The following RNASEH1 variants were observed in gnomAD, a reference collection of about 807,000 sequenced individuals.
RNASEH1 encodes the protein ribonuclease H type II.
In RNASEH1, 27 loss-of-function variants were observed where a neutral mutation model predicts 34.6. The observed-to-expected ratio is 0.78, with a 90% CI of 0.58 to 1.08. The LOEUF (loss-of-function observed/expected upper bound fraction) is 1.08, where lower values mean the gene tolerates loss of function less well. Ranked by LOEUF, RNASEH1 falls within the 50% of genes least tolerant of loss-of-function variation. RNASEH1 has a pLI of 0.00. For missense variants in RNASEH1, 349 were observed against 373.6 expected (o/e 0.93, Z 0.54); for synonymous variants, 162 against 138.4 (o/e 1.17, Z -1.20).
At chr2:3,548,571 AC>A in intron 6 of RNASEH1, 68 bp downstream of exon 6, 1 of 1,080,586 alleles carries the variant, frequency 9.3e-7, no homozygotes. Context: ...CTGCCCTGTT[AC>A]AACACCTCCT....
intron 3 of RNASEH1, among the ~76,000 whole-genome samples, chr2:3,551,129 T>TA (rs1359056923): frequency 6.6e-6 from 1 of 152,006 alleles, no homozygotes. Flanking sequence ...AGAGGGCAAA[T>TA]AGAGGTGGTA....
chr2:3,549,245 C>CA, intron 4 of RNASEH1, 133 bp from the exon 5 acceptor site: 1 of 779,438 alleles, frequency 1.3e-6, no homozygotes, highest in Non-Finnish European at 2.2e-6. Context: ...ATCAAACTAA[C>CA]AGACTCCCAG....
chr2:3,552,177 G>A lies in RNASEH1; in HGVS notation c.376C>T (p.Pro126Ser), dbSNP rs749212251. 3 of 1,611,500 alleles carry A rather than the reference G, an allele frequency of 1.9e-6. No homozygotes were observed. The highest frequency in any genetic ancestry group is 2.2e-4 in the Middle Eastern group (1 of 4,648). Residue 126 changes from proline to serine, a missense_variant, in exon 3 of 8, where the codon CCT (proline) becomes TCT (serine). Physicochemically the swap from Pro to Ser is moderately conservative, Grantham distance 74 (BLOSUM62 -1). This residue lies in a region of RNASEH1 where 256 missense variants were observed against 240.7 expected (regional missense o/e 1.06). Transcript: ENST00000315212. Reference sequence around the variant, plus strand: ...GAAAACGTGTCTCTGCTAACTGGAGGCGCCGGCTCCACGCTCGGCTTCATG... The same window carrying A: ...GAAAACGTGTCTCTGCTAACTGGAGACGCCGGCTCCACGCTCGGCTTCATG... ...KHMKPSVEPA[P>S]PVSRDTFSYM...
chr2:3,545,944 T>TA, intron 7 of RNASEH1, 73 bp from the exon 8 acceptor site: 3 of 1,101,060 alleles, frequency 2.7e-6, no homozygotes, highest in Non-Finnish European at 4.2e-6. Flanking sequence ...ATTGTCATCA[T>TA]AAAAAACCAT....
At chr2:3,532,081 G>C in the RNASEH1 span, 1 of 599,618 alleles carries the variant, frequency 1.7e-6, no homozygotes, top group African/African-American at 1.9e-5. Context: ...GAGATAAGGA[G>C]AGGGTTTTTA....
chr2:3,533,304 T>G, the RNASEH1 span: 3 of 152,410 alleles, frequency 2.0e-5, no homozygotes, highest in Non-Finnish European at 2.9e-5. Flanking sequence ...AGCAGCCCAC[T>G]GATGTGCTGG....
chr2:3,553,148 T>A (rs535187021), intron 2 of RNASEH1, among the ~76,000 whole-genome samples: 21 of 151,698 alleles, frequency 1.4e-4, no homozygotes, highest in African/African-American at 5.1e-4. Context: ...CTCAGGAGGC[T>A]GAGGCAGGAG....
chr2:3,537,185 G>A (rs912946815), downstream of RNASEH1, among the ~76,000 whole-genome samples: 1 of 152,132 alleles, frequency 6.6e-6, no homozygotes, highest in African/African-American at 2.4e-5. Flanking sequence ...CATATTATAC[G>A]AATCTCAGAT....
chr2:3,557,782 C>G, intron 1 of RNASEH1: 2 of 967,176 alleles, frequency 2.1e-6, no homozygotes, highest in South Asian at 2.7e-5. Flanking sequence ...TTAGCTGGTA[C>G]GGAAAGTCTT....
intron 2 of RNASEH1, among the ~76,000 whole-genome samples, chr2:3,553,968 A>G (rs1174606155): frequency 6.6e-6 from 1 of 152,168 alleles, no homozygotes; most frequent in Non-Finnish European, 1.5e-5. Context: ...CTACCTGCAA[A>G]CTAACAACCC....
At chr2:3,549,598 C>T (rs952376627) in intron 4 of RNASEH1, among the ~76,000 whole-genome samples, 8 of 152,076 alleles carry the variant, frequency 5.3e-5, no homozygotes, top group Non-Finnish European at 1.2e-4. Flanking sequence ...CCTGTGATCT[C>T]GGCACTTTGG....
chr2:3,539,083 T>C (rs775066046), downstream of RNASEH1, among the ~76,000 whole-genome samples: 23 of 152,184 alleles, frequency 1.5e-4, no homozygotes, highest in Non-Finnish European at 3.1e-4. Flanking sequence ...TTAGGGAAAT[T>C]AGTCCTTTGT....
At chr2:3,545,917 A>T (rs1462335804) in intron 7 of RNASEH1, 46 bp from the exon 8 acceptor site, 1 of 1,320,960 alleles carries the variant, frequency 7.6e-7, no homozygotes, top group South Asian at 1.2e-5. Context: ...ATCTTTACAT[A>T]AGCAACACAT....
chr2:3,558,294 C>G lies in RNASEH1; in HGVS notation c.-34G>C, dbSNP rs376458512. 9 of 1,508,906 alleles carry G rather than the reference C, an allele frequency of 6.0e-6. No homozygotes were observed. In the African/African-American group the frequency reaches 8.6e-5, roughly 14 times the overall value. 93.5% of individuals were successfully genotyped at this position (1,508,906 alleles called of 1,614,324 possible). On this transcript the variant is annotated 5_prime_UTR_variant, in exon 1 of 8. Coordinates refer to ENST00000315212, the MANE Select transcript of RNASEH1 (RefSeq NM_002936.6). ...CCCGGCACCGGGAAGCATTTCGACT[C>G]CCGGCCCAGCGTGGGCGCGAGCCGC...
chr2:3,532,196 C>A, the RNASEH1 span: 1 of 696,678 alleles, frequency 1.4e-6, no homozygotes, highest in South Asian at 1.5e-5. Context: ...CGGGTGTCAG[C>A]ACCTGGTCGC....
chr2:3,552,813 T>C (rs377741233), intron 2 of RNASEH1, among the ~76,000 whole-genome samples: 11 of 151,772 alleles, frequency 7.2e-5, no homozygotes, highest in African/African-American at 1.9e-4. Context: ...CCGGCCAACA[T>C]AGTGAGACCC....
Position 3,543,796 on chromosome 2 carries a change from TAG to T in RNASEH1, c.*1987_*1988del, listed in dbSNP as rs1272260543. 6.6e-6 allele frequency among the ~76,000 whole-genome samples: 1 copy of T among 152,114 alleles called. No individual in the cohort carries two copies. Among genetic ancestry groups the T allele is most frequent in the Non-Finnish European group, 1.5e-5 (1 of 68,034 alleles). On this transcript the variant is annotated 3_prime_UTR_variant, in exon 8 of 8. Transcript: ENST00000315212. ...CACCTGATTTTATTTTAATTTTCTG[TAG>T]AGACAGGGTGTCACTATGTTGCCCA...
At position 3,558,320 on chromosome 2, in the gene RNASEH1, C is replaced by T; in HGVS notation, c.-60G>A. ...CCGGCCCAGCGTGGGCGCGAGCCGC[C>T]GGCGCTCAACACCGCACTTCCGTCA... is the stretch of plus-strand genomic sequence containing the variant. On this transcript the variant is annotated 5_prime_UTR_variant, in exon 1 of 8. Transcript: ENST00000315212. The T allele has an allele frequency of 8.2e-6, 12 of 1,464,626 alleles. No individual in the cohort carries two copies. The highest frequency in any genetic ancestry group is 1.1e-5 in the Non-Finnish European group (12 of 1,111,008). 90.7% of individuals were successfully genotyped at this position (1,464,626 alleles called of 1,614,324 possible).
Position 3,558,228 on chromosome 2 carries a change from G to A in RNASEH1, c.33C>T (p.Val11=). 1.3e-6 allele frequency: 2 copies of A among 1,598,674 alleles called. No homozygotes were observed. Among genetic ancestry groups the A allele is most frequent in the South Asian group, 2.2e-5 (2 of 88,910 alleles). Reference sequence around the variant, plus strand: ...GGCGGCAGGGCAAGGCGGCCAAGGCGACTCTGTGGGCCAGGAACAGAAGCC... The same window carrying A: ...GGCGGCAGGGCAAGGCGGCCAAGGCAACTCTGTGGGCCAGGAACAGAAGCC... MSWLLFLAHR[V]ALAALPCRRG... The change falls in exon 1 of 8, where the codon GTC becomes GTT. Residue 11 remains valine (V), a synonymous_variant. Transcript: ENST00000315212.
Sources: allele counts gnomAD v4.1 joint callset (sites outside exome capture counted in the v4.1 genomes callset), GRCh38; gene constraint gnomAD v4.1.1; regional missense constraint gnomAD v4.1.1; transcripts MANE v1.5; gene names NCBI Gene and HGNC (gene_info 2026-07-23, HGNC 2026-07-21).